Variants in TAMM41 observed in about 807,000 individuals in gnomAD.
The protein encoded by TAMM41 is phosphatidate cytidylyltransferase, mitochondrial.
A neutral mutation model predicts 44.1 loss-of-function variants in TAMM41; 36 were observed. The ratio of observed to expected loss-of-function variants is 0.82; its 90% CI spans 0.63 to 1.08. TAMM41 has a LOEUF of 1.08. TAMM41 is among the 50% of genes least tolerant of loss of function. The probability of loss-of-function intolerance (pLI) is 0.00; values close to 1 mark genes in which losing one functional copy is unlikely to be tolerated. For synonymous variants in TAMM41, 164 were observed against 153.1 expected, an observed-to-expected ratio of 1.07 and a Z score of -0.53; for missense variants, 417 against 404.3, an observed-to-expected ratio of 1.03 and a Z score of -0.27.
chr3:11,783,736 G>C, the TAMM41 span, among the ~76,000 whole-genome samples: 1 of 152,132 alleles, frequency 6.6e-6, no homozygotes, highest in Non-Finnish European at 1.5e-5. Flanking sequence ...ATGGTATAGA[G>C]AAACACCTGC....
At chr3:11,823,408 A>G (rs1416554346) in intron 4 of TAMM41, among the ~76,000 whole-genome samples, 6 of 150,856 alleles carry the variant, frequency 4.0e-5, no homozygotes, top group African/African-American at 7.3e-5. Flanking sequence ...GGTGCACACC[A>G]CCACGTCCAA....
chr3:11,740,851 G>GTC, the TAMM41 span, among the ~76,000 whole-genome samples: 1 of 147,718 alleles, frequency 6.8e-6, no homozygotes, highest in Non-Finnish European at 1.5e-5. Flanking sequence ...CAGGCGTGAC[G>GTC]ACTGTTCCCA....
chr3:11,747,099 G>C, the TAMM41 span, among the ~76,000 whole-genome samples: 3 of 152,114 alleles, frequency 2.0e-5, no homozygotes, highest in South Asian at 2.1e-4. Flanking sequence ...GCCTCCTTCT[G>C]TCACCCAGGC....
intron 3 of TAMM41, among the ~76,000 whole-genome samples, chr3:11,835,394 T>C (rs1575706010): frequency 6.6e-6 from 1 of 152,360 alleles, no homozygotes; most frequent in South Asian, 2.1e-4. Flanking sequence ...GACTTTATGA[T>C]ACCCTAATTT....
At chr3:11,822,785 A>G (rs1362700830) in intron 4 of TAMM41, among the ~76,000 whole-genome samples, 1 of 152,206 alleles carries the variant, frequency 6.6e-6, no homozygotes, top group Non-Finnish European at 1.5e-5. Context: ...TCCATTTCTC[A>G]GTTGATGAAC....
the TAMM41 span, among the ~76,000 whole-genome samples, chr3:11,740,711 G>A: frequency 2.0e-5 from 3 of 151,724 alleles, no homozygotes; most frequent in Admixed American, 1.3e-4. Flanking sequence ...GATTAGGGGC[G>A]CCCGCCACCG....
chr3:11,785,229 GTGTC>G, the TAMM41 span, among the ~76,000 whole-genome samples: 1 of 152,162 alleles, frequency 6.6e-6, no homozygotes, highest in African/African-American at 2.4e-5. Flanking sequence ...GGAGACCGTG[GTGTC>G]AGATCAGAAG....
intron 5 of TAMM41, among the ~76,000 whole-genome samples, chr3:11,816,518 C>A (rs957887180): frequency 4.6e-5 from 7 of 152,172 alleles, no homozygotes; most frequent in Non-Finnish European, 1.0e-4. Flanking sequence ...AATCCCAGTA[C>A]TTTTGGACGC....
At chr3:11,815,840 A>C (rs2078256092) in intron 5 of TAMM41, among the ~76,000 whole-genome samples, 1 of 152,216 alleles carries the variant, frequency 6.6e-6, no homozygotes, top group African/African-American at 2.4e-5. Flanking sequence ...ATATCAGAAG[A>C]ATCAGCTATA....
the TAMM41 span, among the ~76,000 whole-genome samples, chr3:11,728,923 G>A: frequency 9.1e-3 from 1,378 of 151,456 alleles, 19 homozygotes; most frequent in African/African-American, 0.031. Flanking sequence ...CAGGAGAATC[G>A]CTTGAACCCG....
chr3:11,747,881 A>ATTAT, the TAMM41 span, among the ~76,000 whole-genome samples: 4 of 133,366 alleles, frequency 3.0e-5, no homozygotes, highest in South Asian at 4.6e-4. Flanking sequence ...TTATTTATTT[A>ATTAT]TTTTTTTTTT....
chr3:11,819,802 C>T (rs549980859), intron 4 of TAMM41, among the ~76,000 whole-genome samples: 1 of 152,046 alleles, frequency 6.6e-6, no homozygotes, highest in East Asian at 1.9e-4. Context: ...GACAAAGAGA[C>T]TATATAAAAA....
chr3:11,803,595 TCAAAAA>T (rs569889753), intron 7 of TAMM41, among the ~76,000 whole-genome samples: 1 of 151,744 alleles, frequency 6.6e-6, no homozygotes, highest in African/African-American at 2.4e-5. Context: ...AATCATTATA[TCAAAAA>T]CAAAAACAAA....
the TAMM41 span, among the ~76,000 whole-genome samples, chr3:11,725,627 A>G: frequency 6.6e-6 from 1 of 151,940 alleles, no homozygotes. Context: ...TTTAGTAGCG[A>G]TGGGGTTTCA....
chr3:11,839,200 G>A (rs777245918), intron 3 of TAMM41, 22 bp downstream of exon 3: 4 of 1,519,090 alleles, frequency 2.6e-6, no homozygotes, highest in Admixed American at 3.4e-5. Flanking sequence ...ATCCTTAACT[G>A]TGCAGCCTAT....
chr3:11,748,229 A>G, the TAMM41 span, among the ~76,000 whole-genome samples: 1 of 145,390 alleles, frequency 6.9e-6, no homozygotes, highest in African/African-American at 2.6e-5. Flanking sequence ...GCCTCAAAGT[A>G]ATTCACATGT....
intron 5 of TAMM41, among the ~76,000 whole-genome samples, chr3:11,816,601 A>C (rs1449492909): frequency 6.6e-6 from 1 of 151,824 alleles, no homozygotes; most frequent in African/African-American, 2.4e-5. Flanking sequence ...CTGTCTCTAC[A>C]AAAAAAATAC....
chr3:11,738,746 C>A, the TAMM41 span, among the ~76,000 whole-genome samples: 1 of 152,222 alleles, frequency 6.6e-6, no homozygotes, highest in African/African-American at 2.4e-5. Context: ...GTGGTTCTCA[C>A]AGTGGGGTTT....
At chr3:11,831,619 C>T (rs1039654317) in intron 3 of TAMM41, among the ~76,000 whole-genome samples, 1 of 152,032 alleles carries the variant, frequency 6.6e-6, no homozygotes, top group Non-Finnish European at 1.5e-5. Flanking sequence ...TAAGATAGCA[C>T]ATAAAAGACA....
Sources: allele counts gnomAD v4.1 joint callset (sites outside exome capture counted in the v4.1 genomes callset), GRCh38; gene constraint gnomAD v4.1.1; transcripts MANE v1.5; gene names NCBI Gene and HGNC (gene_info 2026-07-23, HGNC 2026-07-21).